OMD: variants seen among roughly 807,000 people sequenced by gnomAD.
OMD encodes KSPG osteomodulin.
OMD carries 19 observed loss-of-function variants against 31.2 expected under a neutral mutation model. The observed-to-expected ratio is 0.61, with a 90% CI of 0.42 to 0.89. OMD has a LOEUF of 0.89. Among genes scored for constraint, OMD ranks in the 40% least tolerant of loss-of-function variants. The pLI is 0.00. For missense variants in OMD, 448 were observed against 490.8 expected (o/e 0.91, Z 0.82); for synonymous variants, 155 against 166.4 (o/e 0.93, Z 0.53).
rs1843475634 is a variant in OMD, at chr9:92,412,637, C to T, written c.*2515G>A. On this transcript the variant is annotated 3_prime_UTR_variant, in exon 3 of 3. Coordinates refer to ENST00000375550, the MANE Select transcript of OMD (RefSeq NM_005014.3). ...GTGTCTTTTTACGACTGACTTCTTT[C>T]ACTGAGCATAATGTTTTCAAGGTTA... Among the ~76,000 whole-genome samples, 1 of 152,198 alleles carries T rather than the reference C, an allele frequency of 6.6e-6. No individual in the cohort carries two copies. Among genetic ancestry groups the T allele is most frequent in the Non-Finnish European group, 1.5e-5 (1 of 68,036 alleles).
intron 1 of OMD, among the ~76,000 whole-genome samples, chr9:92,423,465 A>G (rs1445991234): frequency 6.6e-6 from 1 of 152,156 alleles, no homozygotes; most frequent in Non-Finnish European, 1.5e-5. Flanking sequence ...TAAAGACATA[A>G]TTGTTTTTAT....
intron 1 of OMD, among the ~76,000 whole-genome samples, chr9:92,418,564 A>G (rs955212508): frequency 2.6e-5 from 4 of 152,198 alleles, no homozygotes; most frequent in Non-Finnish European, 5.9e-5. Context: ...CTCCACTGTA[A>G]ATGCTGTGTG....
chr9:92,417,196 G>T lies in OMD; in HGVS notation c.363C>A (p.Asn121Lys). The T allele has an allele frequency of 1.2e-6, 2 of 1,613,946 alleles. No individual in the cohort carries two copies. Among genetic ancestry groups the T allele is most frequent in the Non-Finnish European group, 1.7e-6 (2 of 1,179,984 alleles). Reference protein sequence around the residue: ...FINATHLKEINLSHNKIKSQK... With the variant: ...FINATHLKEIKLSHNKIKSQK... ...GAGATTTAATTTTGTTGTGGCTGAG[G>T]TTAATTTCTTTAAGATGAGTTGCAT... The change falls in exon 2 of 3, where the codon AAC (asparagine) becomes AAA (lysine). Residue 121 changes from asparagine to lysine, a missense_variant. Asn to Lys is a moderately conservative substitution (Grantham distance 94, BLOSUM62 0). Coordinates refer to ENST00000375550, the MANE Select transcript of OMD (RefSeq NM_005014.3).
At chr9:92,415,997 G>T (rs1475296038) in intron 2 of OMD, among the ~76,000 whole-genome samples, 3 of 136,306 alleles carry the variant, frequency 2.2e-5, no homozygotes, top group Non-Finnish European at 3.1e-5. Flanking sequence ...TAAATTATCA[G>T]TTATATATAT....
chr9:92,420,645 CTTTTT>C lies in OMD; in HGVS notation c.-16-3076_-16-3072del, dbSNP rs543094238. ...TTGTTTTTGGGTGATGACCTTGCTT[CTTTTT>C]TTTAAGTCAAGAAAATAGGATCAAG... is the stretch of plus-strand genomic sequence containing the variant. On this transcript the variant is annotated intron_variant, in intron 1 of 2. Transcript: ENST00000375550. 3.1e-3 allele frequency among the ~76,000 whole-genome samples: 474 copies of C among 151,866 alleles called. 3 individuals carry two copies. The highest frequency in any genetic ancestry group is 0.011 in the African/African-American group (442 of 41,406).
chr9:92,415,004 G>C lies in OMD; in HGVS notation c.*148C>G, dbSNP rs1210232808. On this transcript the variant is annotated 3_prime_UTR_variant, in exon 3 of 3. Coordinates refer to ENST00000375550, the MANE Select transcript of OMD (RefSeq NM_005014.3). Reference sequence around the variant, plus strand: ...AGTTCTAATCCTATGAAATGATGCAGATGTCACCAACAACTTAAATTCAAT... The same window carrying C: ...AGTTCTAATCCTATGAAATGATGCACATGTCACCAACAACTTAAATTCAAT... 1 of 548,236 alleles carries C rather than the reference G, an allele frequency of 1.8e-6. No individual in the cohort carries two copies. The highest frequency in any genetic ancestry group is 1.9e-5 in the African/African-American group (1 of 51,720). 34.0% of individuals were successfully genotyped at this position (548,236 alleles called of 1,614,324 possible).
chr9:92,422,845 G>A (rs1843851259), intron 1 of OMD, among the ~76,000 whole-genome samples: 1 of 151,982 alleles, frequency 6.6e-6, no homozygotes, highest in Non-Finnish European at 1.5e-5. Context: ...TGAGTCATTT[G>A]CTAAGCATAT....
At chr9:92,420,142 G>A (rs528576076) in intron 1 of OMD, among the ~76,000 whole-genome samples, 70 of 151,954 alleles carry the variant, frequency 4.6e-4, no homozygotes, top group Non-Finnish European at 8.1e-4. Flanking sequence ...TTCTATTACT[G>A]GAACCCTTCA....
rs898562111 is a variant in OMD, at chr9:92,414,029, G to A, written c.*1123C>T. On this transcript the variant is annotated 3_prime_UTR_variant, in exon 3 of 3. Transcript: ENST00000375550. ...AGATTGGTATTTGTCCCTTATCTGA[G>A]AAATTCTATGAAACATTAGCATGGT... Among the ~76,000 whole-genome samples the A allele has an allele frequency of 1.1e-4, 17 of 152,128 alleles. No individual in the cohort carries two copies. Among genetic ancestry groups the A allele is most frequent in the African/African-American group, 4.1e-4 (17 of 41,430 alleles).
intron 1 of OMD, among the ~76,000 whole-genome samples, chr9:92,421,376 T>G (rs1843788589): frequency 6.6e-6 from 1 of 152,184 alleles, no homozygotes; most frequent in South Asian, 2.1e-4. Context: ...GAATTTGCAC[T>G]CTGGGAATGA....
In OMD at chr9:92,414,797, C is replaced by T. The variant is rs1843539752; in HGVS notation, c.*355G>A. ...AAAGGTCATGGCCTGTGGGTCTTTA[C>T]TGCTAATGCTACTTCCTTCCTCATT... On this transcript the variant is annotated 3_prime_UTR_variant, in exon 3 of 3. Coordinates refer to ENST00000375550, the MANE Select transcript of OMD (RefSeq NM_005014.3). The T allele has an allele frequency of 4.3e-6, 1 of 235,234 alleles. No homozygotes were observed. 14.6% of individuals were successfully genotyped at this position (235,234 alleles called of 1,614,324 possible). A position where few individuals can be genotyped will look rare whatever the true frequency, so the allele number is the denominator to read the frequency against.
chr9:92,417,633 T>C, intron 1 of OMD, 59 bp from the exon 2 acceptor site: 1 of 863,196 alleles, frequency 1.2e-6, no homozygotes, highest in Non-Finnish European at 1.8e-6. Context: ...GAATACGCTT[T>C]GTATAAATTC....
Position 92,419,626 on chromosome 9 carries a change from C to T in OMD, c.-16-2052G>A, listed in dbSNP as rs939179393. ...CTTGTGTCATATCTTGCCTGCTTATCCGCCTGGTCGTTGTTAGCATTGTAT... is the reference window on the plus strand; with the variant it reads ...CTTGTGTCATATCTTGCCTGCTTATTCGCCTGGTCGTTGTTAGCATTGTAT... On this transcript the variant is annotated intron_variant, in intron 1 of 2. Transcript: ENST00000375550. Among the ~76,000 whole-genome samples, 9 of 152,252 alleles carry T rather than the reference C, an allele frequency of 5.9e-5. No homozygotes were observed. In the East Asian group the frequency reaches 1.7e-3, roughly 29 times the overall value.
chr9:92,421,753 A>C (rs1413640442), intron 1 of OMD, among the ~76,000 whole-genome samples: 2 of 152,244 alleles, frequency 1.3e-5, no homozygotes, highest in Non-Finnish European at 2.9e-5. Context: ...GAAGACGTGA[A>C]GCCATAGTCC....
intron 1 of OMD, among the ~76,000 whole-genome samples, 162 bp from the exon 2 acceptor site, chr9:92,417,736 T>C (rs1327302080): frequency 6.6e-6 from 1 of 152,128 alleles, no homozygotes. Flanking sequence ...TTTTCTTTTT[T>C]TGTGACAGTG....
At chr9:92,416,068 A>ATATATATATT (rs1275784821) in intron 2 of OMD, among the ~76,000 whole-genome samples, 19 of 137,008 alleles carry the variant, frequency 1.4e-4, no homozygotes, top group African/African-American at 4.7e-4. Flanking sequence ...GTATATATAT[A>ATATATATATT]TATTTATTTA....
chr9:92,417,708 G>C lies in OMD; in HGVS notation c.-16-134C>G. 2 of 560,868 alleles carry C rather than the reference G, an allele frequency of 3.6e-6. 1 individual carries two copies. Among genetic ancestry groups the C allele is most frequent in the South Asian group, 7.7e-5 (2 of 25,864 alleles). The allele number at this position is 560,868 out of a possible 1,614,324, so 34.7% of individuals were successfully genotyped here. On this transcript the variant is annotated intron_variant, in intron 1 of 2. Transcript: ENST00000375550. ...AAAGAATATCCAGAAAGAATGGGCA[G>C]TGCTCAAACCAAAATTTTTTTCTTT...
intron 1 of OMD, among the ~76,000 whole-genome samples, chr9:92,419,219 T>C (rs1327835226): frequency 4.0e-5 from 6 of 151,888 alleles, no homozygotes; most frequent in Non-Finnish European, 2.9e-5. Context: ...CATATCTGCC[T>C]CTTGCCTCAT....
At position 92,413,289 on chromosome 9, in the gene OMD, A is replaced by G. The variant is rs1236935486; in HGVS notation, c.*1863T>C. Among the ~76,000 whole-genome samples, 1 of 152,072 alleles carries G rather than the reference A, an allele frequency of 6.6e-6. No homozygotes were observed. The highest frequency in any genetic ancestry group is 1.5e-5 in the Non-Finnish European group (1 of 68,020). On this transcript the variant is annotated 3_prime_UTR_variant, in exon 3 of 3. Transcript: ENST00000375550. Reference sequence around the variant, plus strand: ...GGTGTGAGCTAATGCGCCCGACTATATGTAACTAACTTTTTAAGGAACTTC... The same window carrying G: ...GGTGTGAGCTAATGCGCCCGACTATGTGTAACTAACTTTTTAAGGAACTTC...
Sources: allele counts gnomAD v4.1 joint callset (sites outside exome capture counted in the v4.1 genomes callset), GRCh38; gene constraint gnomAD v4.1.1; transcripts MANE v1.5; gene names NCBI Gene and HGNC (gene_info 2026-07-23, HGNC 2026-07-21).